TOP6BL: variants seen among roughly 807,000 people sequenced by gnomAD.
The protein encoded by TOP6BL is TOP6B like initiator of meiotic double strand breaks.
chr11:66,843,475 A>T, the TOP6BL span: 2 of 1,443,288 alleles, frequency 1.4e-6, no homozygotes, highest in Non-Finnish European at 1.8e-6. Context: ...CTGGGCGGGG[A>T]TGGGCTGCGA....
the TOP6BL span, among the ~76,000 whole-genome samples, chr11:66,801,534 G>T: frequency 6.6e-6 from 1 of 152,130 alleles, no homozygotes; most frequent in Non-Finnish European, 1.5e-5. Context: ...ATCTTCTTCA[G>T]ACTCCAAGAA....
At chr11:66,829,645 T>C in the TOP6BL span, among the ~76,000 whole-genome samples, 1 of 151,484 alleles carries the variant, frequency 6.6e-6, no homozygotes, top group Non-Finnish European at 1.5e-5. Context: ...CCCAACACTT[T>C]GGGAGGCCGA....
chr11:66,804,262 C>A, the TOP6BL span: 1 of 1,202,566 alleles, frequency 8.3e-7, no homozygotes, highest in Non-Finnish European at 1.1e-6. Context: ...TTAGGAAAGC[C>A]TTTAGTATGT....
chr11:66,825,060 C>T, the TOP6BL span, among the ~76,000 whole-genome samples: 1 of 151,824 alleles, frequency 6.6e-6, no homozygotes. Flanking sequence ...GACGGGGTTT[C>T]TCCATGTTGG....
At chr11:66,749,293 T>A in the TOP6BL span, among the ~76,000 whole-genome samples, 143 of 152,306 alleles carry the variant, frequency 9.4e-4, 4 homozygotes, top group South Asian at 0.026. Flanking sequence ...AACTGCACTC[T>A]GACTGGCAGG....
At chr11:66,762,383 C>G in the TOP6BL span, 2 of 365,636 alleles carry the variant, frequency 5.5e-6, no homozygotes, top group African/African-American at 4.5e-5. Flanking sequence ...GGGCACTCAG[C>G]GCAGCAGTGG....
At chr11:66,796,062 G>A in the TOP6BL span, 2,692 of 476,426 alleles carry the variant, frequency 5.7e-3, 68 homozygotes, top group Non-Finnish European at 2.9e-3. Flanking sequence ...TTATTCTCGT[G>A]TCTTCTGAAG....
the TOP6BL span, chr11:66,748,247 C>G: frequency 1.4e-6 from 1 of 702,814 alleles, no homozygotes; most frequent in East Asian, 2.9e-5. Flanking sequence ...AAACCTAAAT[C>G]TGACATTTTA....
chr11:66,828,421 C>T, the TOP6BL span: 2 of 1,350,586 alleles, frequency 1.5e-6, no homozygotes, highest in Admixed American at 1.9e-5. Flanking sequence ...ATATGGGAAT[C>T]CTGAATTGAG....
chr11:66,767,084 C>T, the TOP6BL span, among the ~76,000 whole-genome samples: 928 of 151,778 alleles, frequency 6.1e-3, 13 homozygotes, highest in African/African-American at 0.02. Context: ...TTAATGATTC[C>T]TTATTTATTA....
At chr11:66,809,548 A>C in the TOP6BL span, among the ~76,000 whole-genome samples, 3 of 152,148 alleles carry the variant, frequency 2.0e-5, no homozygotes, top group Non-Finnish European at 4.4e-5. Context: ...AAGTCCAAAG[A>C]CCTCTTAAAA....
chr11:66,785,262 T>G, the TOP6BL span, among the ~76,000 whole-genome samples: 9 of 152,064 alleles, frequency 5.9e-5, no homozygotes, highest in Non-Finnish European at 1.3e-4. Flanking sequence ...CCGAGCCAGT[T>G]TCCAAGATTT....
At chr11:66,790,545 T>A in the TOP6BL span, among the ~76,000 whole-genome samples, 3 of 152,334 alleles carry the variant, frequency 2.0e-5, 1 homozygote, top group South Asian at 6.2e-4. Context: ...AAAGTTTCTC[T>A]TATTTCTTTA....
the TOP6BL span, among the ~76,000 whole-genome samples, chr11:66,761,093 C>T: frequency 6.6e-6 from 1 of 151,626 alleles, no homozygotes; most frequent in Non-Finnish European, 1.5e-5. Flanking sequence ...AACGATAGGC[C>T]GGGCGCGGTG....
the TOP6BL span, among the ~76,000 whole-genome samples, chr11:66,776,639 C>A: frequency 1.3e-5 from 2 of 151,830 alleles, no homozygotes; most frequent in Non-Finnish European, 2.9e-5. Flanking sequence ...AAAAAAAAGT[C>A]CATTATTAAG....
chr11:66,781,425 G>A, the TOP6BL span, among the ~76,000 whole-genome samples: 1,370 of 152,214 alleles, frequency 9.0e-3, 22 homozygotes, highest in African/African-American at 0.031. Flanking sequence ...GTTATCTGCT[G>A]ACATTTCCTA....
chr11:66,776,610 A>AG, the TOP6BL span, among the ~76,000 whole-genome samples: 1 of 152,058 alleles, frequency 6.6e-6, no homozygotes, highest in African/African-American at 2.4e-5. Flanking sequence ...CAACATAGCA[A>AG]GTCCCCATCT....
chr11:66,829,927 A>C, the TOP6BL span, among the ~76,000 whole-genome samples: 1 of 152,158 alleles, frequency 6.6e-6, no homozygotes, highest in South Asian at 2.1e-4. Context: ...AACAAACATA[A>C]AACTAATAGA....
chr11:66,814,936 G>A, the TOP6BL span, among the ~76,000 whole-genome samples: 1 of 152,214 alleles, frequency 6.6e-6, no homozygotes, highest in African/African-American at 2.4e-5. Context: ...GGAAATTGGA[G>A]TATGCGACCA....
Sources: allele counts gnomAD v4.1 joint callset (sites outside exome capture counted in the v4.1 genomes callset), GRCh38; gene constraint gnomAD v4.1.1; transcripts MANE v1.5; gene names NCBI Gene and HGNC (gene_info 2026-07-23, HGNC 2026-07-21).